Variants in SLC14A2 observed in about 807,000 individuals in gnomAD.
SLC14A2 encodes the protein solute carrier family 14 member 2, also known as urea transporter 2.
Under a neutral mutation model 104.6 loss-of-function variants are expected in SLC14A2, and 91 were observed. The ratio of observed to expected loss-of-function variants is 0.87; its 90% CI spans 0.73 to 1.04. SLC14A2 has a LOEUF of 1.04. SLC14A2 is among the 50% of genes least tolerant of loss of function. The pLI is 0.00. For synonymous variants in SLC14A2, 476 were observed against 466.4 expected, an observed-to-expected ratio of 1.02 and a Z score of -0.27; for missense variants, 1,189 against 1,156.0, an observed-to-expected ratio of 1.03 and a Z score of -0.41.
At chr18:45,472,078 C>T (rs1338643094) in intron 1 of SLC14A2, among the ~76,000 whole-genome samples, 1 of 152,194 alleles carries the variant, frequency 6.6e-6, no homozygotes, top group South Asian at 2.1e-4. Context: ...CTCCCTGTGT[C>T]CATGTGTTCT....
chr18:45,667,423 C>T (rs913782663), intron 13 of SLC14A2, among the ~76,000 whole-genome samples: 7 of 152,168 alleles, frequency 4.6e-5, no homozygotes, highest in East Asian at 1.9e-4. Flanking sequence ...TAGAAAAACG[C>T]CATCTGGATG....
chr18:45,631,552 A>G (rs2045346441), intron 4 of SLC14A2, among the ~76,000 whole-genome samples: 1 of 152,244 alleles, frequency 6.6e-6, no homozygotes, highest in Non-Finnish European at 1.5e-5. Flanking sequence ...TGGGAACCCA[A>G]AGCTAAACCA....
intron 2 of SLC14A2, among the ~76,000 whole-genome samples, chr18:45,541,883 C>T (rs562250931): frequency 3.3e-5 from 5 of 152,054 alleles, no homozygotes; most frequent in African/African-American, 1.2e-4. Flanking sequence ...TCCCAATGCA[C>T]AAAACAGGGT....
chr18:45,391,049 A>G (rs570313597), intron 1 of SLC14A2, among the ~76,000 whole-genome samples: 9 of 152,216 alleles, frequency 5.9e-5, no homozygotes, highest in African/African-American at 1.9e-4. Context: ...ATTTAACATT[A>G]GGTATATCTC....
At chr18:45,619,477 C>T (rs1439017225) in intron 1 of SLC14A2, among the ~76,000 whole-genome samples, 1 of 152,226 alleles carries the variant, frequency 6.6e-6, no homozygotes, top group East Asian at 1.9e-4. Context: ...GATGGAGGAG[C>T]TGGTCTGTTT....
At chr18:45,196,234 G>A in the SLC14A2 span, among the ~76,000 whole-genome samples, 75,011 of 152,040 alleles carry the variant, frequency 0.49, 18,953 homozygotes, top group East Asian at 0.78. Context: ...AAGAGGTAAG[G>A]GGGCAGTTTT....
chr18:45,478,932 C>T (rs901333204), intron 1 of SLC14A2, among the ~76,000 whole-genome samples: 1 of 152,174 alleles, frequency 6.6e-6, no homozygotes, highest in Non-Finnish European at 1.5e-5. Flanking sequence ...TCCAGGGATG[C>T]TTTTACAGGC....
chr18:45,481,515 T>C (rs2144698134), intron 1 of SLC14A2, among the ~76,000 whole-genome samples: 1 of 152,356 alleles, frequency 6.6e-6, no homozygotes, highest in African/African-American at 2.4e-5. Flanking sequence ...TTAAAATATA[T>C]AGCATTCATT....
intron 1 of SLC14A2, among the ~76,000 whole-genome samples, chr18:45,288,043 C>G (rs1219658287): frequency 6.6e-6 from 1 of 152,232 alleles, no homozygotes; most frequent in Non-Finnish European, 1.5e-5. Context: ...CTCCTCCCTA[C>G]ACAGGAGCAA....
At chr18:45,590,074 T>C (rs564418065) in intron 2 of SLC14A2, among the ~76,000 whole-genome samples, 1 of 152,182 alleles carries the variant, frequency 6.6e-6, no homozygotes. Context: ...TCAGAGCGCA[T>C]GAGACTCCAG....
intron 2 of SLC14A2, among the ~76,000 whole-genome samples, chr18:45,575,374 G>A (rs1182773126): frequency 1.3e-5 from 2 of 152,152 alleles, no homozygotes; most frequent in Non-Finnish European, 2.9e-5. Context: ...GCCAGCCTGG[G>A]CTCTCAGATC....
rs566919194 is a variant in SLC14A2, at chr18:45,219,514, G to A, written c.-125+6323G>A. 5.3e-5 allele frequency among the ~76,000 whole-genome samples: 8 copies of A among 152,246 alleles called. No individual in the cohort carries two copies. In the South Asian group the frequency reaches 1.0e-3, roughly 20 times the overall value. Reference sequence around the variant, plus strand: ...TAGAGAGTAAGAGGAGGTGAAAGGCGAACGGTTATCAAAGCCATGAGTAAA... The same window carrying A: ...TAGAGAGTAAGAGGAGGTGAAAGGCAAACGGTTATCAAAGCCATGAGTAAA... On this transcript the variant is annotated intron_variant, in intron 1 of 20. Coordinates refer to the SLC14A2 transcript ENST00000586448.
At chr18:45,344,470 C>T (rs2085428014) in intron 1 of SLC14A2, among the ~76,000 whole-genome samples, 1 of 152,078 alleles carries the variant, frequency 6.6e-6, no homozygotes, top group Non-Finnish European at 1.5e-5. Flanking sequence ...TCACAGAACT[C>T]GGAAAACTTC....
intron 10 of SLC14A2, among the ~76,000 whole-genome samples, chr18:45,657,905 T>C (rs960171814): frequency 6.6e-6 from 1 of 152,168 alleles, no homozygotes; most frequent in Non-Finnish European, 1.5e-5. Context: ...CCCACAAGTA[T>C]CCATATCGCA....
intron 1 of SLC14A2, among the ~76,000 whole-genome samples, chr18:45,431,600 C>G (rs1268090626): frequency 6.6e-6 from 1 of 152,160 alleles, no homozygotes; most frequent in East Asian, 1.9e-4. Flanking sequence ...CAGGGGGACA[C>G]AGAAAGCTGG....
At chr18:45,490,078 G>T (rs79598509) in intron 2 of SLC14A2, 22,384 of 152,162 alleles carry the variant, frequency 0.15, 1,732 homozygotes, top group Middle Eastern at 0.23. Flanking sequence ...TGGGAGAGAA[G>T]TATGTGTCGA....
intron 2 of SLC14A2, chr18:45,529,291 T>A (rs1368995190): frequency 6.6e-6 from 1 of 152,186 alleles, no homozygotes; most frequent in African/African-American, 2.4e-5. Flanking sequence ...AAAGCAGACA[T>A]CTCACTGTGG....
intron 1 of SLC14A2, among the ~76,000 whole-genome samples, chr18:45,218,986 C>G (rs1302281123): frequency 1.3e-5 from 2 of 151,576 alleles, no homozygotes; most frequent in East Asian, 3.9e-4. Context: ...TTTGGTAATA[C>G]TTTGAAATAT....
chr18:45,490,661 G>A (rs1396729776), intron 2 of SLC14A2, among the ~76,000 whole-genome samples: 2 of 152,154 alleles, frequency 1.3e-5, no homozygotes, highest in African/African-American at 4.8e-5. Flanking sequence ...CATAAACAAA[G>A]CTAAAAGACA....
Sources: gnomAD v4.1 joint callset for allele counts (sites outside exome capture counted in the v4.1 genomes callset) on GRCh38, gnomAD v4.1.1 for gene constraint, MANE v1.5 for transcripts, NCBI Gene and HGNC (gene_info 2026-07-23, HGNC 2026-07-21) for gene names.